ABCC6: variants seen among roughly 807,000 people sequenced by gnomAD.
The protein encoded by ABCC6 is ATP binding cassette subfamily C member 6.
ABCC6 carries 126 observed loss-of-function variants against 169.5 expected under a neutral mutation model. The observed-to-expected ratio is 0.74, with a 90% CI of 0.64 to 0.86. The LOEUF (loss-of-function observed/expected upper bound fraction) is 0.86. ABCC6 is among the 40% of genes least tolerant of loss of function. ABCC6 has a pLI of 0.00. For synonymous variants in ABCC6, 752 were observed against 814.7 expected (o/e 0.92, Z 1.31); for missense variants, 1,733 against 1,927.2 (o/e 0.90, Z 1.89).
chr16:16,171,618 A>G (rs1343858075), intron 21 of ABCC6, among the ~76,000 whole-genome samples: 1 of 152,122 alleles, frequency 6.6e-6, no homozygotes, highest in Non-Finnish European at 1.5e-5. Context: ...GGAAAGATCA[A>G]TGAATGGATG....
At chr16:16,192,656 T>C (rs547635781) in intron 11 of ABCC6, among the ~76,000 whole-genome samples, 174 bp downstream of exon 11, 1 of 152,200 alleles carries the variant, frequency 6.6e-6, no homozygotes, top group Admixed American at 6.5e-5. Flanking sequence ...CCACTGTCCA[T>C]TGAGAGGATA....
intron 15 of ABCC6, 30 bp downstream of exon 15, chr16:16,184,929 A>G: frequency 1.9e-6 from 3 of 1,596,580 alleles, no homozygotes; most frequent in Non-Finnish European, 2.6e-6. Context: ...TAAAAACATG[A>G]GGCTGGTTAC....
chr16:16,155,040 G>C lies in ABCC6; in HGVS notation c.3883-9C>G. 1 of 1,550,818 alleles carries C rather than the reference G, an allele frequency of 6.4e-7. No individual in the cohort carries two copies. Among genetic ancestry groups the C allele is most frequent in the Non-Finnish European group, 8.7e-7 (1 of 1,148,366 alleles). Reference sequence around the variant, plus strand: ...CTGCCAACGATGCCCACCTGCCCGGGGTTGGGAGGAAAGGCCTGCTCTGAC... The same window carrying C: ...CTGCCAACGATGCCCACCTGCCCGGCGTTGGGAGGAAAGGCCTGCTCTGAC... On this transcript the variant is annotated splice_polypyrimidine_tract_variant and intron_variant, in intron 27 of 30. Coordinates refer to ENST00000205557, the MANE Select transcript of ABCC6 (RefSeq NM_001171.6).
At chr16:16,152,183 ACT>A (rs2046404766) in intron 29 of ABCC6, among the ~76,000 whole-genome samples, 1 of 84,682 alleles carries the variant, frequency 1.2e-5, no homozygotes, top group Non-Finnish European at 2.1e-5. Flanking sequence ...ACAGAGCAAG[ACT>A]CTGTCTCAAA....
At chr16:16,182,643 G>A in intron 16 of ABCC6, 55 bp from the exon 17 acceptor site, 1 of 1,599,566 alleles carries the variant, frequency 6.3e-7, no homozygotes, top group Non-Finnish European at 8.5e-7. Flanking sequence ...AGGTGGGATA[G>A]GTTTTGAGGA....
chr16:16,169,740 C>A lies in ABCC6; in HGVS notation c.2901G>T (p.Trp967Cys). 1 of 1,607,820 alleles carries A rather than the reference C, an allele frequency of 6.2e-7. No homozygotes were observed. Among genetic ancestry groups the A allele is most frequent in the Admixed American group, 1.7e-5 (1 of 59,224 alleles). Residue 967 changes from tryptophan to cysteine, a missense_variant, in exon 22 of 31, where the codon TGG (tryptophan) becomes TGT (cysteine). Transcript: ENST00000205557. The stretch of plus-strand genomic sequence containing the variant: ...CAGGGTCGTCCGCCCACAGGCTCAG[C>A]CAGTAGCCCCGGCAGAAGGAGGCCA... ...QQVASFCRGY[W>C]LSLWADDPAV...
intron 17 of ABCC6, 68 bp downstream of exon 17, chr16:16,182,344 G>GAGT: frequency 1.3e-6 from 2 of 1,580,234 alleles, no homozygotes; most frequent in Non-Finnish European, 1.7e-6. Context: ...TGCCCATGAT[G>GAGT]AGTCGGGGAC....
chr16:16,155,333 C>G (rs12598559), intron 27 of ABCC6: 117,473 of 495,568 alleles, frequency 0.24, 16,524 homozygotes, highest in South Asian at 0.43. Context: ...TCCATCATCT[C>G]TCATCCTTTT....
intron 8 of ABCC6, among the ~76,000 whole-genome samples, chr16:16,202,519 G>A (rs1331884027): frequency 1.3e-5 from 2 of 151,858 alleles, no homozygotes; most frequent in Non-Finnish European, 2.9e-5. Context: ...CTTTAAAGAG[G>A]CAATGAAGTT....
Position 16,203,572 on chromosome 16 carries a change from C to T in ABCC6, c.836G>A (p.Gly279Asp), listed in dbSNP as rs779707518. The T allele has an allele frequency of 1.9e-6, 3 of 1,614,036 alleles. No homozygotes were observed. The highest frequency in any genetic ancestry group is 2.2e-5 in the South Asian group (2 of 91,072). The change falls in exon 8 of 31, where the codon GGC becomes GAC. Residue 279 changes from glycine to aspartate, a missense_variant. Gly to Asp is a moderately conservative substitution (Grantham distance 94). This residue lies in a region of ABCC6 where 1,601 missense variants were observed against 1,635.5 expected (regional missense o/e 0.98). Transcript: ENST00000205557. ...GGGCTCGGTCTCTGGAGCCTTCATG[C>T]CACTGCCGCCTTTCCTTTTAAATGC... is the stretch of plus-strand genomic sequence containing the variant. ...AIAFKRKGGS[G>D]MKAPETEPFL...
intron 29 of ABCC6, among the ~76,000 whole-genome samples, chr16:16,154,415 A>G (rs776499248): frequency 5.9e-5 from 9 of 152,220 alleles, no homozygotes; most frequent in Non-Finnish European, 1.3e-4. Flanking sequence ...GCCACCAAGT[A>G]AATATAGAAG....
rs1270203619 is a variant in ABCC6 at position 16,159,491 on chromosome 16, C to T, written c.3726G>A (p.Thr1242=). Residue 1242 remains threonine (T), a synonymous_variant, in exon 26 of 31, where the codon ACG becomes ACA. Transcript: ENST00000205557. ...ACCTCCCGCCCATCACCTCCTTGGG[C>T]GTCCAGGCATAGTCCTGCATCCGCT... ...SVERMQDYAW[T]PKEAPWRLPT... is the part of the protein sequence containing the mutation. 4.3e-6 allele frequency: 7 copies of T among 1,613,834 alleles called. No individual in the cohort carries two copies. Among genetic ancestry groups the T allele is most frequent in the African/African-American group, 1.3e-5 (1 of 74,986 alleles).
At chr16:16,165,978 A>G (rs1398286131) in intron 22 of ABCC6, 45 bp from the exon 23 acceptor site, 3 of 1,597,522 alleles carry the variant, frequency 1.9e-6, no homozygotes, top group Non-Finnish European at 2.6e-6. Context: ...GGAGACCCTC[A>G]GGAGCGGCCC....
chr16:16,173,470 C>T (rs560543464), intron 20 of ABCC6, 66 bp from the exon 21 acceptor site: 2 of 1,603,358 alleles, frequency 1.2e-6, no homozygotes, highest in South Asian at 1.1e-5. Flanking sequence ...ATGTGCCTAA[C>T]CCTCAGGCCC....
At chr16:16,190,074 G>A (rs1363451962) in intron 12 of ABCC6, 90 bp downstream of exon 12, 2 of 1,399,778 alleles carry the variant, frequency 1.4e-6, no homozygotes, top group Non-Finnish European at 2.0e-6. Flanking sequence ...CGGGGTGGTA[G>A]GATCTGGGGG....
chr16:16,161,302 G>C (rs572006468), intron 25 of ABCC6, 136 bp downstream of exon 25: 2 of 1,324,340 alleles, frequency 1.5e-6, no homozygotes, highest in African/African-American at 2.9e-5. Flanking sequence ...GTAGAGCTGC[G>C]TGTCCCTCCT....
rs767636709 is a variant in ABCC6 at position 16,154,920 on chromosome 16, G to C, written c.3994C>G (p.His1332Asp). The stretch of plus-strand genomic sequence containing the variant: ...GAGCGCAGTGTGTGCAGCCCCACGT[G>C]GGCAATGGGGACCCCGTCGATCCAG... ...GIWIDGVPIA[H>D]VGLHTLRSRI... Residue 1332 changes from histidine to aspartate, a missense_variant, in exon 28 of 31, where the codon CAC (histidine) becomes GAC (aspartate). His to Asp is a moderately conservative substitution (Grantham distance 81). Coordinates refer to ENST00000205557, the MANE Select transcript of ABCC6 (RefSeq NM_001171.6). The C allele has an allele frequency of 3.7e-6, 6 of 1,608,244 alleles. No individual in the cohort carries two copies. The highest frequency in any genetic ancestry group is 5.1e-6 in the Non-Finnish European group (6 of 1,177,636).
intron 19 of ABCC6, 105 bp downstream of exon 19, chr16:16,177,347 G>T: frequency 7.6e-7 from 1 of 1,315,154 alleles, no homozygotes; most frequent in Non-Finnish European, 1.1e-6. Context: ...CCTGCAGACA[G>T]GGTGTGGCCA....
chr16:16,189,923 A>G (rs1180320733), intron 12 of ABCC6, among the ~76,000 whole-genome samples: 3 of 152,092 alleles, frequency 2.0e-5, no homozygotes, highest in Non-Finnish European at 4.4e-5. Context: ...ACATCGGTAG[A>G]AGCCTGGAAC....
Sources: allele counts gnomAD v4.1 joint callset (sites outside exome capture counted in the v4.1 genomes callset), GRCh38; gene constraint gnomAD v4.1.1; regional missense constraint gnomAD v4.1.1; transcripts MANE v1.5; gene names NCBI Gene and HGNC (gene_info 2026-07-23, HGNC 2026-07-21).